CUX2: variants seen among roughly 807,000 people sequenced by gnomAD.
CUX2 encodes the protein homeobox protein cut-like 2.
Under a neutral mutation model 144.8 loss-of-function variants are expected in CUX2, and 40 were observed. That is an observed-to-expected ratio of 0.28 (90% CI 0.21 to 0.36). CUX2 has a LOEUF of 0.36. Among genes scored for constraint, CUX2 ranks in the 10% least tolerant of loss-of-function variants. CUX2 has a pLI of 1.00. For synonymous variants in CUX2, 827 were observed against 875.6 expected (o/e 0.94, Z 0.98); for missense variants, 1,615 against 1,994.0 (o/e 0.81, Z 3.62).
intron 16 of CUX2, among the ~76,000 whole-genome samples, chr12:111,314,401 GAGGCCA>G (rs1489349216): frequency 1.2e-4 from 19 of 152,210 alleles, no homozygotes; most frequent in African/African-American, 4.3e-4. Flanking sequence ...CTGGGAGGCC[GAGGCCA>G]AGGCGGGCAG....
At chr12:111,150,215 C>T (rs1388801103) in intron 1 of CUX2, among the ~76,000 whole-genome samples, 1 of 152,088 alleles carries the variant, frequency 6.6e-6, no homozygotes, top group African/African-American at 2.4e-5. Flanking sequence ...GGGCTGTCAG[C>T]TTTCTCTTTG....
chr12:111,181,989 G>A (rs1018457238), intron 1 of CUX2, among the ~76,000 whole-genome samples: 1 of 152,138 alleles, frequency 6.6e-6, no homozygotes, highest in Non-Finnish European at 1.5e-5. Context: ...CTGACTCATC[G>A]GATTATCTCC....
chr12:111,218,262 C>T (rs1881659814), intron 3 of CUX2, among the ~76,000 whole-genome samples: 2 of 152,134 alleles, frequency 1.3e-5, no homozygotes, highest in African/African-American at 2.4e-5. Flanking sequence ...ACCTGTAATC[C>T]CAGTGCTTTG....
chr12:111,304,081 G>A lies in CUX2; in HGVS notation c.754-129G>A, dbSNP rs975264483. 9.5e-5 allele frequency: 64 copies of A among 676,298 alleles called. No individual in the cohort carries two copies. The highest frequency in any genetic ancestry group is 1.4e-4 in the Admixed American group (6 of 43,314). 41.9% of individuals were successfully genotyped at this position (676,298 alleles called of 1,614,324 possible). A position where few individuals can be genotyped will look rare whatever the true frequency, so the allele number is the denominator to read the frequency against. On this transcript the variant is annotated intron_variant, in intron 9 of 21. Transcript: ENST00000261726. The surrounding 1 kb of genome is among the most constrained non-coding windows in gnomAD (Gnocchi z 4.7). ...TCTTCATAGCTCCAGGACAGGGTCC[G>A]GGACTAGGAAGGCAGGACCTGAGGC... is the stretch of plus-strand genomic sequence containing the variant.
Position 111,039,633 on chromosome 12 carries a change from G to GCCT in CUX2, c.63+5396_63+5398dup, listed in dbSNP as rs992133461. 4.6e-5 allele frequency among the ~76,000 whole-genome samples: 7 copies of GCCT among 152,130 alleles called. No homozygotes were observed. Among genetic ancestry groups the GCCT allele is most frequent in the Non-Finnish European group, 1.0e-4 (7 of 68,026 alleles). On this transcript the variant is annotated intron_variant, in intron 1 of 21. Coordinates refer to ENST00000261726, the MANE Select transcript of CUX2 (RefSeq NM_015267.4). This position sits in a 1 kb window ranked among gnomAD's most constrained non-coding sequence, Gnocchi z 4.2. ...GCAATCTCAGCTCACTGCAACCTCC[G>GCCT]CCTCCCGGGTTCACGTGATTCCCAA...
chr12:111,194,709 T>G (rs2136199450), intron 1 of CUX2, among the ~76,000 whole-genome samples: 1 of 152,316 alleles, frequency 6.6e-6, no homozygotes, highest in African/African-American at 2.4e-5. Context: ...TGGGAACAGG[T>G]CACCTCGGTC....
intron 10 of CUX2, among the ~76,000 whole-genome samples, chr12:111,306,326 GTT>G (rs35872348): frequency 5.7e-4 from 81 of 141,438 alleles, no homozygotes; most frequent in African/African-American, 1.3e-3. Context: ...TGTTTGTTTG[GTT>G]TTTTTTTTTT....
intron 1 of CUX2, among the ~76,000 whole-genome samples, chr12:111,073,493 G>A (rs1408457651): frequency 6.6e-6 from 1 of 152,004 alleles, no homozygotes; most frequent in Non-Finnish European, 1.5e-5. Context: ...GTGCACAGGG[G>A]CACACAGTTT....
chr12:111,280,411 G>A (rs552347303), intron 4 of CUX2, among the ~76,000 whole-genome samples: 2 of 152,304 alleles, frequency 1.3e-5, no homozygotes, highest in Non-Finnish European at 1.5e-5. Context: ...AGAAGCTGGG[G>A]GAAAGGCCCA....
chr12:111,257,784 C>T (rs1883916561), intron 3 of CUX2, among the ~76,000 whole-genome samples: 1 of 151,050 alleles, frequency 6.6e-6, no homozygotes. Context: ...CTCCATCCTC[C>T]TCCTCCTCTT....
At position 111,034,355 on chromosome 12, in the gene CUX2, TGCCGGGGCTC is replaced by T. The variant is rs1356800020; in HGVS notation, c.63+127_63+136del. 2.5e-4 allele frequency: 102 copies of T among 407,922 alleles called. 1 individual carries two copies. The Admixed American group carries it at 3.7e-3, about 15-fold the overall frequency. 25.3% of individuals were successfully genotyped at this position (407,922 alleles called of 1,614,324 possible). A position where few individuals can be genotyped will look rare whatever the true frequency, so the allele number is the denominator to read the frequency against. On this transcript the variant is annotated intron_variant, in intron 1 of 21. Coordinates refer to ENST00000261726, the MANE Select transcript of CUX2 (RefSeq NM_015267.4). The surrounding 1 kb of genome is among the most constrained non-coding windows in gnomAD (Gnocchi z 4.2). Reference sequence around the variant, plus strand: ...ACGCCCTGGGGCGGCGGGCGGCGGCTGCCGGGGCTCGCCGGGGCTCGGCCGCCCGCTGCCC... The same window carrying T: ...ACGCCCTGGGGCGGCGGGCGGCGGCTGCCGGGGCTCGGCCGCCCGCTGCCC...
At chr12:111,258,698 AT>A (rs1486766614) in intron 3 of CUX2, among the ~76,000 whole-genome samples, 91 of 151,854 alleles carry the variant, frequency 6.0e-4, no homozygotes, top group African/African-American at 2.1e-3. Flanking sequence ...ATTTCTTTTG[AT>A]TGTAAAGATA....
rs992165420 is a variant in CUX2, at chr12:111,255,810, C to T, written c.223-7951C>T. Among the ~76,000 whole-genome samples the T allele has an allele frequency of 9.2e-5, 14 of 152,278 alleles. No individual in the cohort carries two copies. The highest frequency in any genetic ancestry group is 2.9e-4 in the African/African-American group (12 of 41,546). Reference sequence around the variant, plus strand: ...AATAATAATGCACAAATCAGCCAATCGAAGTAGCTGTTACCCCCATTTTCC... The same window carrying T: ...AATAATAATGCACAAATCAGCCAATTGAAGTAGCTGTTACCCCCATTTTCC... On this transcript the variant is annotated intron_variant, in intron 3 of 21. Coordinates refer to ENST00000261726, the MANE Select transcript of CUX2 (RefSeq NM_015267.4). The surrounding 1 kb of genome is among the most constrained non-coding windows in gnomAD (Gnocchi z 4.1).
chr12:111,167,617 T>A (rs934352733), intron 1 of CUX2, among the ~76,000 whole-genome samples: 1 of 152,222 alleles, frequency 6.6e-6, no homozygotes, highest in African/African-American at 2.4e-5. Flanking sequence ...TCTAAGTTTT[T>A]TCTGTTCCTA....
In CUX2 at chr12:111,291,518, G is replaced by A. The variant is rs376308961; in HGVS notation, c.402G>A (p.Ser134=). The A allele has an allele frequency of 6.7e-5, 108 of 1,611,490 alleles. 1 individual carries two copies. In the Middle Eastern group the frequency reaches 3.0e-3, roughly 44 times the overall value. Residue 134 remains serine (S), a synonymous_variant, in exon 5 of 22, where the codon TCG becomes TCA. Coordinates refer to ENST00000261726, the MANE Select transcript of CUX2 (RefSeq NM_015267.4). ...SGQPRRDLHT[S]WKRNPELLSP... The stretch of plus-strand genomic sequence containing the variant: ...AGCCCCGGCGAGACCTCCACACTTC[G>A]TGGAAGAGGAACCCCGAGCTCCTCA...
intron 1 of CUX2, among the ~76,000 whole-genome samples, chr12:111,187,240 G>A (rs1381110693): frequency 6.6e-6 from 1 of 152,192 alleles, no homozygotes; most frequent in East Asian, 1.9e-4. Flanking sequence ...GCAGCCTGCA[G>A]GTTCAGTGAC....
chr12:111,184,801 T>C (rs1330649400), intron 1 of CUX2, among the ~76,000 whole-genome samples: 1 of 151,424 alleles, frequency 6.6e-6, no homozygotes, highest in African/African-American at 2.4e-5. Flanking sequence ...CGTTGGCTCA[T>C]GCCTGTAATC....
chr12:111,130,522 T>C (rs1875401121), intron 1 of CUX2, among the ~76,000 whole-genome samples: 1 of 152,254 alleles, frequency 6.6e-6, no homozygotes, highest in Non-Finnish European at 1.5e-5. Flanking sequence ...CCAAATTCAG[T>C]GACCTCAGTT....
chr12:111,186,038 A>T lies in CUX2; in HGVS notation c.64-28162A>T, dbSNP rs1879507262. ...TCTGTTTTCTGGTCCTCTCTCTTTC[A>T]CTCTCACTCTCTCCCTCCCTCCCTT... On this transcript the variant is annotated intron_variant, in intron 1 of 21. Transcript: ENST00000261726. The surrounding 1 kb of genome is among the most constrained non-coding windows in gnomAD (Gnocchi z 4.4). Among the ~76,000 whole-genome samples the T allele has an allele frequency of 2.2e-5, 3 of 135,382 alleles. No individual in the cohort carries two copies. Among genetic ancestry groups the T allele is most frequent in the South Asian group, 2.4e-4 (1 of 4,188 alleles). The allele number at this position is 135,382 out of a possible 152,430, so 88.8% of individuals were successfully genotyped here.
Sources: allele counts gnomAD v4.1 joint callset (sites outside exome capture counted in the v4.1 genomes callset), GRCh38; gene constraint gnomAD v4.1.1; non-coding constraint Gnocchi (gnomAD v3.1); transcripts MANE v1.5; gene names NCBI Gene and HGNC (gene_info 2026-07-23, HGNC 2026-07-21).